The following GREB1L variants were observed in gnomAD, a reference collection of about 807,000 sequenced individuals.
GREB1L encodes GREB1 like retinoic acid receptor coactivator.
GREB1L carries 17 observed loss-of-function variants against 200.8 expected under a neutral mutation model. The observed-to-expected ratio is 0.08, with a 90% CI of 0.06 to 0.13. The LOEUF is 0.13. GREB1L is among the 10% of genes least tolerant of loss of function. The pLI, the probability that GREB1L is intolerant of heterozygous loss-of-function variation, is 1.00. For missense variants in GREB1L, 1,657 were observed against 2,367.7 expected, an observed-to-expected ratio of 0.70 and a Z score of 6.23; for synonymous variants, 789 against 893.0, an observed-to-expected ratio of 0.88 and a Z score of 2.08.
At chr18:21,401,472 G>C (rs2041312968) in intron 6 of GREB1L, 146 bp downstream of exon 6, 1 of 644,438 alleles carries the variant, frequency 1.6e-6, no homozygotes, top group Non-Finnish European at 2.5e-6. Context: ...CCTTCTGGTA[G>C]GTTATTTGAC....
chr18:21,376,812 C>CAAAAAAA (rs534144361), intron 2 of GREB1L, among the ~76,000 whole-genome samples: 3 of 59,666 alleles, frequency 5.0e-5, no homozygotes, highest in African/African-American at 1.7e-4. Context: ...GAGTCCGTCT[C>CAAAAAAA]AAAAAAAAAA....
At chr18:21,401,488 C>G (rs1416242917) in intron 6 of GREB1L, among the ~76,000 whole-genome samples, 162 bp downstream of exon 6, 1 of 152,062 alleles carries the variant, frequency 6.6e-6, no homozygotes, top group African/African-American at 2.4e-5. Context: ...TTGACTTGCC[C>G]CTTACTAATT....
chr18:21,467,964 A>C (rs8099087), intron 15 of GREB1L, among the ~76,000 whole-genome samples: 1 of 150,408 alleles, frequency 6.6e-6, no homozygotes, highest in Non-Finnish European at 1.5e-5. Context: ...GGTGGAGCTC[A>C]CAGTGAGCCG....
chr18:21,289,345 T>A (rs138147874), intron 1 of GREB1L, among the ~76,000 whole-genome samples: 15 of 151,572 alleles, frequency 9.9e-5, no homozygotes, highest in South Asian at 8.4e-4. Context: ...AGCCCGGGAG[T>A]TTGAGACCAG....
At chr18:21,353,074 C>G (rs2039456871) in intron 1 of GREB1L, among the ~76,000 whole-genome samples, 1 of 151,472 alleles carries the variant, frequency 6.6e-6, no homozygotes, top group South Asian at 2.1e-4. Context: ...CCCAGCTATT[C>G]AGGAGGCTGA....
chr18:21,426,587 T>G (rs568381511), intron 7 of GREB1L, among the ~76,000 whole-genome samples: 1 of 152,288 alleles, frequency 6.6e-6, no homozygotes, highest in South Asian at 2.1e-4. Flanking sequence ...AACACCACAC[T>G]GCATAATTAT....
intron 17 of GREB1L, among the ~76,000 whole-genome samples, chr18:21,484,713 C>T (rs1332092378): frequency 6.6e-6 from 1 of 152,090 alleles, no homozygotes; most frequent in African/African-American, 2.4e-5. Context: ...ATCCCAGCCA[C>T]TCGGGAGGCT....
At chr18:21,409,749 T>G (rs2030734024) in intron 7 of GREB1L, among the ~76,000 whole-genome samples, 1 of 152,130 alleles carries the variant, frequency 6.6e-6, no homozygotes, top group Non-Finnish European at 1.5e-5. Flanking sequence ...TGGCTGAAAA[T>G]TGGGGCAAGC....
chr18:21,402,880 C>G (rs1329604493), intron 6 of GREB1L, among the ~76,000 whole-genome samples: 2 of 151,550 alleles, frequency 1.3e-5, no homozygotes, highest in African/African-American at 4.8e-5. Context: ...ATAATAGTTG[C>G]TATTTTGGAG....
chr18:21,432,705 C>CTTTTTTTTTTTTTTTTTTTTTTTT (rs11380208), intron 7 of GREB1L, among the ~76,000 whole-genome samples: 1 of 94,368 alleles, frequency 1.1e-5, no homozygotes, highest in African/African-American at 4.6e-5. Flanking sequence ...TCTTTTTTTT[C>CTTTTTTTTTTTTTTTTTTTTTTTT]TTTTTTTTTT....
At chr18:21,444,134 T>A in intron 10 of GREB1L, 90 bp from the exon 11 acceptor site, 1 of 866,972 alleles carries the variant, frequency 1.2e-6, no homozygotes, top group Non-Finnish European at 1.7e-6. Context: ...GGAATTTTGT[T>A]AAGCAGCTTT....
At chr18:21,477,582 C>CCACAAGCCAG (rs1203391102) in intron 17 of GREB1L, among the ~76,000 whole-genome samples, 1 of 152,072 alleles carries the variant, frequency 6.6e-6, no homozygotes, top group Non-Finnish European at 1.5e-5. Flanking sequence ...GTCAGGAGAT[C>CCACAAGCCAG]GAGACCATCC....
intron 1 of GREB1L, among the ~76,000 whole-genome samples, chr18:21,322,746 A>T (rs1474432000): frequency 6.6e-6 from 1 of 152,220 alleles, no homozygotes; most frequent in Non-Finnish European, 1.5e-5. Context: ...GATATAATAG[A>T]GAAGACCTTT....
At chr18:21,496,751 T>C in intron 21 of GREB1L, 53 bp downstream of exon 21, 5 of 1,526,418 alleles carry the variant, frequency 3.3e-6, no homozygotes, top group Non-Finnish European at 4.4e-6. Context: ...TCAGGAGGTG[T>C]GTAGGAATTT....
intron 1 of GREB1L, among the ~76,000 whole-genome samples, chr18:21,292,149 C>A (rs1336115453): frequency 6.6e-6 from 1 of 152,144 alleles, no homozygotes; most frequent in Non-Finnish European, 1.5e-5. Flanking sequence ...GGGATGAAGA[C>A]AAGGTAGAAG....
intron 1 of GREB1L, among the ~76,000 whole-genome samples, chr18:21,245,241 T>C (rs768858640): frequency 2.6e-5 from 4 of 152,224 alleles, no homozygotes; most frequent in Non-Finnish European, 4.4e-5. Context: ...GATCTCATAC[T>C]GAAAGCTAAA....
At chr18:21,336,840 T>C (rs17645925) in intron 1 of GREB1L, among the ~76,000 whole-genome samples, 3,617 of 152,284 alleles carry the variant, frequency 0.024, 160 homozygotes, top group Admixed American at 0.11. Flanking sequence ...GCAGACTCCC[T>C]GTGCATCTTT....
chr18:21,415,781 A>G (rs943322778), intron 7 of GREB1L, among the ~76,000 whole-genome samples: 1 of 152,222 alleles, frequency 6.6e-6, no homozygotes, highest in Admixed American at 6.5e-5. Flanking sequence ...ACATAGCCCT[A>G]GACTGAGCAC....
intron 19 of GREB1L, among the ~76,000 whole-genome samples, chr18:21,493,893 A>AAAAG (rs2036441683): frequency 6.8e-6 from 1 of 146,822 alleles, no homozygotes; most frequent in African/African-American, 2.5e-5. Flanking sequence ...AAAAAAAAAA[A>AAAAG]GTCCTCATAC....
Sources: allele counts gnomAD v4.1 joint callset (sites outside exome capture counted in the v4.1 genomes callset), GRCh38; gene constraint gnomAD v4.1.1; transcripts MANE v1.5; gene names NCBI Gene and HGNC (gene_info 2026-07-23, HGNC 2026-07-21).